The following RABEP2 variants were observed in gnomAD, a reference collection of about 807,000 sequenced individuals.
RABEP2 encodes the protein rabaptin, RAB GTPase binding effector protein 2.
In RABEP2, 57 loss-of-function variants were observed where a neutral mutation model predicts 74.1. That is an observed-to-expected ratio of 0.77 (90% CI 0.62 to 0.96). RABEP2 has a LOEUF of 0.96. RABEP2 is among the 40% of genes least tolerant of loss of function. The pLI, the probability that RABEP2 is intolerant of heterozygous loss-of-function variation, is 0.00. For synonymous variants in RABEP2, 351 were observed against 344.0 expected (o/e 1.02, Z -0.23); for missense variants, 692 against 756.3 (o/e 0.91, Z 1.00).
At chr16:28,924,721 T>G (rs1964510948) in intron 1 of RABEP2, 106 bp from the exon 2 acceptor site, 1 of 1,077,140 alleles carries the variant, frequency 9.3e-7, no homozygotes, top group African/African-American at 1.6e-5. Context: ...TGGGGCCTCC[T>G]TCACCTGGGC....
intron 8 of RABEP2, among the ~76,000 whole-genome samples, chr16:28,906,793 C>G (rs1287228640): frequency 6.6e-6 from 1 of 151,332 alleles, no homozygotes; most frequent in Non-Finnish European, 1.5e-5. Flanking sequence ...AAACAAACAA[C>G]AACAACAACA....
Position 28,910,885 on chromosome 16 carries a change from C to T in RABEP2, c.1089+3G>A. The T allele has an allele frequency of 6.2e-7, 1 of 1,608,784 alleles. No individual in the cohort carries two copies. The highest frequency in any genetic ancestry group is 8.5e-7 in the Non-Finnish European group (1 of 1,178,076). ...TCCTGCCCTAGGGCCCCCAGGTACT[C>T]ACCATCTGCAGCTGCACCCGCTCCT... On this transcript the variant is annotated splice_donor_region_variant and intron_variant, in intron 7 of 12. Coordinates refer to ENST00000358201, the MANE Select transcript of RABEP2 (RefSeq NM_024816.3).
At chr16:28,910,708 C>T (rs963114216) in intron 7 of RABEP2, 180 bp downstream of exon 7, 6 of 585,042 alleles carry the variant, frequency 1.0e-5, no homozygotes, top group Non-Finnish European at 1.8e-5. Flanking sequence ...GGGCCCTGTT[C>T]TGGCCACGGC....
chr16:28,912,784 C>T (rs896486129), intron 5 of RABEP2, among the ~76,000 whole-genome samples: 2 of 152,096 alleles, frequency 1.3e-5, no homozygotes, highest in African/African-American at 2.4e-5. Context: ...CTTCCCACGT[C>T]TCCTAAGACG....
chr16:28,918,192 G>A (rs1040703401), intron 3 of RABEP2, among the ~76,000 whole-genome samples: 6 of 148,222 alleles, frequency 4.0e-5, no homozygotes, highest in Non-Finnish European at 8.9e-5. Flanking sequence ...CCATTCTCCT[G>A]CCTCAGCCTC....
At chr16:28,917,526 T>C (rs1283605220) in intron 3 of RABEP2, among the ~76,000 whole-genome samples, 1 of 152,244 alleles carries the variant, frequency 6.6e-6, no homozygotes, top group Admixed American at 6.5e-5. Context: ...TTCAAGAGAC[T>C]TTCCTGCCTC....
chr16:28,912,658 C>T (rs1964331031), intron 5 of RABEP2, among the ~76,000 whole-genome samples: 1 of 152,164 alleles, frequency 6.6e-6, no homozygotes, highest in South Asian at 2.1e-4. Flanking sequence ...AGCATTCTGC[C>T]CGCTTCAGTG....
chr16:28,925,190 G>C lies in RABEP2; in HGVS notation c.-27C>G. ...GCCTCAGCGCAAACGGCGGATTCCC[G>C]CACTCCCTGGTGACGGAGCGCACCG... On this transcript the variant is annotated 5_prime_UTR_variant, in exon 1 of 13. Coordinates refer to ENST00000358201, the MANE Select transcript of RABEP2 (RefSeq NM_024816.3). The C allele has an allele frequency of 1.3e-6, 2 of 1,522,984 alleles. No individual in the cohort carries two copies. Among genetic ancestry groups the C allele is most frequent in the Non-Finnish European group, 8.8e-7 (1 of 1,141,394 alleles). The allele number at this position is 1,522,984 out of a possible 1,614,324, so 94.3% of individuals were successfully genotyped here. A position where few individuals can be genotyped will look rare whatever the true frequency, so the allele number is the denominator to read the frequency against.
intron 7 of RABEP2, 118 bp downstream of exon 7, chr16:28,910,770 G>T: frequency 1.1e-6 from 1 of 890,146 alleles, no homozygotes; most frequent in African/African-American, 1.7e-5. Context: ...CCAGGGTGTG[G>T]CCTGAGCAGC....
chr16:28,905,210 G>T (rs1964206523), intron 12 of RABEP2, among the ~76,000 whole-genome samples, 166 bp from the exon 13 acceptor site: 1 of 152,186 alleles, frequency 6.6e-6, no homozygotes, highest in African/African-American at 2.4e-5. Context: ...TGTACTGAGG[G>T]CTTCAGGTGA....
chr16:28,914,512 C>T lies in RABEP2; in HGVS notation c.618G>A (p.Pro206=), dbSNP rs965610516. 25 of 1,612,894 alleles carry T rather than the reference C, an allele frequency of 1.6e-5. No individual in the cohort carries two copies. Among genetic ancestry groups the T allele is most frequent in the South Asian group, 8.8e-5 (8 of 91,036 alleles). ...LLPLSRDPSP[P]LEPLEELSGD... is the part of the protein sequence containing the mutation. ...CGCTCAGCTCCTCCAGAGGCTCCAG[C>T]GGGGGCGATGGATCCCGGGACAGGG... Residue 206 remains proline (P), a synonymous_variant, in exon 5 of 13, where the codon CCG becomes CCA. Coordinates refer to ENST00000358201, the MANE Select transcript of RABEP2 (RefSeq NM_024816.3).
chr16:28,913,773 G>C (rs1448832016), intron 5 of RABEP2, among the ~76,000 whole-genome samples: 1 of 148,086 alleles, frequency 6.8e-6, no homozygotes, highest in South Asian at 2.1e-4. Flanking sequence ...CACCGCACCC[G>C]GCCTCTTTTT....
chr16:28,918,865 G>C (rs1391722000), intron 3 of RABEP2, among the ~76,000 whole-genome samples: 1 of 152,068 alleles, frequency 6.6e-6, no homozygotes, highest in Non-Finnish European at 1.5e-5. Flanking sequence ...ATGGTGCCCA[G>C]GCTGGAGTGC....
chr16:28,919,184 C>G (rs1272931361), intron 3 of RABEP2, among the ~76,000 whole-genome samples: 3 of 152,204 alleles, frequency 2.0e-5, no homozygotes, highest in Non-Finnish European at 4.4e-5. Flanking sequence ...AAGACGAAGT[C>G]TCACTCTATT....
intron 5 of RABEP2, among the ~76,000 whole-genome samples, chr16:28,913,952 T>A (rs1424826589): frequency 1.3e-5 from 2 of 150,654 alleles, no homozygotes; most frequent in Non-Finnish European, 3.0e-5. Flanking sequence ...TTTTTTTTTT[T>A]AACTTTTGTA....
At chr16:28,913,828 C>T (rs1964346312) in intron 5 of RABEP2, among the ~76,000 whole-genome samples, 1 of 139,776 alleles carries the variant, frequency 7.2e-6, no homozygotes, top group African/African-American at 2.7e-5. Context: ...GTGACCCAGG[C>T]TGGAGTGGGT....
chr16:28,905,755 G>A lies in RABEP2; in HGVS notation c.1440C>T (p.Ser480=). 1 of 1,614,020 alleles carries A rather than the reference G, an allele frequency of 6.2e-7. No homozygotes were observed. Among genetic ancestry groups the A allele is most frequent in the East Asian group, 2.2e-5 (1 of 44,880 alleles). Residue 480 remains serine, a synonymous_variant, in exon 11 of 13, where the codon TCC becomes TCT. Coordinates refer to ENST00000358201, the MANE Select transcript of RABEP2 (RefSeq NM_024816.3). Reference sequence around the variant, plus strand: ...CCATCTCTGTCCTCAGGCTGCACAGGGAGGCTGGGAAGTCAGGGCAGGGGG... The same window carrying A: ...CCATCTCTGTCCTCAGGCTGCACAGAGAGGCTGGGAAGTCAGGGCAGGGGG... ...QREETEVLEA[S]LCSLRTEMER...
intron 2 of RABEP2, chr16:28,920,941 G>A (rs946320744): frequency 7.0e-6 from 2 of 284,070 alleles, no homozygotes; most frequent in Non-Finnish European, 1.4e-5. Context: ...ATGACTCACT[G>A]CAACCTCAGC....
chr16:28,914,191 A>G (rs2152220977), intron 5 of RABEP2, 45 bp downstream of exon 5: 1 of 1,474,596 alleles, frequency 6.8e-7, no homozygotes, highest in South Asian at 1.3e-5. Context: ...AGCATCCAGC[A>G]GAGAGGGGGA....
Sources: allele counts gnomAD v4.1 joint callset (sites outside exome capture counted in the v4.1 genomes callset), GRCh38; gene constraint gnomAD v4.1.1; transcripts MANE v1.5; gene names NCBI Gene and HGNC (gene_info 2026-07-23, HGNC 2026-07-21).